RBFOX3: variants seen among roughly 807,000 people sequenced by gnomAD.
RBFOX3 encodes the protein RNA binding fox-1 homolog 3.
A neutral mutation model predicts 48.7 loss-of-function variants in RBFOX3; 17 were observed. The ratio of observed to expected loss-of-function variants is 0.35; its 90% confidence interval spans 0.24 to 0.52. The LOEUF is 0.52. Among genes scored for constraint, RBFOX3 ranks in the 20% least tolerant of loss-of-function variants. RBFOX3 has a pLI of 0.94. For synonymous variants in RBFOX3, 212 were observed against 209.5 expected (o/e 1.01, Z -0.10); for missense variants, 382 against 497.5 (o/e 0.77, Z 2.21).
At chr17:79,439,799 C>T (rs1555733651) in intron 2 of RBFOX3, among the ~76,000 whole-genome samples, 2 of 152,270 alleles carry the variant, frequency 1.3e-5, no homozygotes, top group African/African-American at 2.4e-5. Flanking sequence ...TGCACACACA[C>T]ACATACCAGA....
chr17:79,109,170 G>A (rs2078019168), intron 5 of RBFOX3, among the ~76,000 whole-genome samples: 1 of 152,334 alleles, frequency 6.6e-6, no homozygotes, highest in African/African-American at 2.4e-5. Flanking sequence ...GGTGGAAAAT[G>A]GTCATGGCTC....
At chr17:79,091,884 G>C (rs12948902) in intron 14 of RBFOX3, 6 of 837,220 alleles carry the variant, frequency 7.2e-6, no homozygotes, top group Non-Finnish European at 8.6e-6. Context: ...GAGTCGCAGA[G>C]ACTGGCGTGA....
At chr17:79,259,878 T>A (rs549525086) in intron 3 of RBFOX3, among the ~76,000 whole-genome samples, 30 of 152,246 alleles carry the variant, frequency 2.0e-4, no homozygotes, top group African/African-American at 6.7e-4. Context: ...GTCTGAGCAT[T>A]ATCCCTCTTT....
intron 2 of RBFOX3, among the ~76,000 whole-genome samples, chr17:79,350,851 G>A (rs188619537): frequency 1.3e-5 from 2 of 152,286 alleles, no homozygotes; most frequent in East Asian, 3.9e-4. Flanking sequence ...CCCCCATGGC[G>A]ACTCTCCCAC....
intron 2 of RBFOX3, among the ~76,000 whole-genome samples, chr17:79,458,027 G>C (rs884025): frequency 6.6e-6 from 1 of 152,114 alleles, no homozygotes. Context: ...CCTTGACCTC[G>C]CAATCATGCA....
At chr17:79,129,612 C>A (rs993944765) in intron 4 of RBFOX3, among the ~76,000 whole-genome samples, 1 of 152,234 alleles carries the variant, frequency 6.6e-6, no homozygotes, top group East Asian at 1.9e-4. Context: ...CTTCAAGGTG[C>A]AGAGGACACC....
the RBFOX3 span, among the ~76,000 whole-genome samples, chr17:79,652,778 G>A: frequency 5.3e-5 from 8 of 151,570 alleles, no homozygotes; most frequent in African/African-American, 1.9e-4. Flanking sequence ...AGAGAACAGA[G>A]AAAATTAAGG....
chr17:79,512,690 G>A lies in RBFOX3; in HGVS notation c.-319-30092C>T, dbSNP rs1319814051. 1.5e-4 allele frequency among the ~76,000 whole-genome samples: 20 copies of A among 131,992 alleles called. 1 individual carries two copies. Among genetic ancestry groups the A allele is most frequent in the Non-Finnish European group, 2.6e-4 (16 of 61,284 alleles). 86.6% of individuals were successfully genotyped at this position (131,992 alleles called of 152,430 possible). A position where few individuals can be genotyped will look rare whatever the true frequency, so the allele number is the denominator to read the frequency against. On this transcript the variant is annotated intron_variant, in intron 1 of 14. Coordinates refer to ENST00000693108, the MANE Select transcript of RBFOX3 (RefSeq NM_001350451.2). ...ACCCACCCGGATACGTGTTACCATC[G>A]GGTACAGCCCCATGGCCAAGGGACA...
At chr17:79,633,893 C>G in the RBFOX3 span, among the ~76,000 whole-genome samples, 3 of 152,152 alleles carry the variant, frequency 2.0e-5, no homozygotes, top group South Asian at 6.2e-4. Flanking sequence ...TTTTAATTGT[C>G]TCTCCCACTT....
chr17:79,213,313 G>A (rs2058615779), intron 4 of RBFOX3, among the ~76,000 whole-genome samples: 1 of 152,200 alleles, frequency 6.6e-6, no homozygotes, highest in South Asian at 2.1e-4. Context: ...GAAGGGGAAG[G>A]ACGCGGCGGG....
At chr17:79,493,998 C>T (rs945410771) in intron 1 of RBFOX3, among the ~76,000 whole-genome samples, 6 of 152,086 alleles carry the variant, frequency 3.9e-5, no homozygotes, top group African/African-American at 1.2e-4. Flanking sequence ...AAGCTGGATA[C>T]GGTGGTGCAT....
rs968638485 is a variant in RBFOX3, at chr17:79,214,250, C to A, written c.-34+21516G>T. ...ACGCACGGAGCTATCTCACTTACAACGTGAAAGTGGCTGTGTGTTGGTTGC... is the reference window on the plus strand; with the variant it reads ...ACGCACGGAGCTATCTCACTTACAAAGTGAAAGTGGCTGTGTGTTGGTTGC... On this transcript the variant is annotated intron_variant, in intron 4 of 14. Transcript: ENST00000693108. This position sits in a 1 kb window ranked among gnomAD's most constrained non-coding sequence, Gnocchi z 4.7. Among the ~76,000 whole-genome samples, 1 of 152,136 alleles carries A rather than the reference C, an allele frequency of 6.6e-6. No individual in the cohort carries two copies. Among genetic ancestry groups the A allele is most frequent in the East Asian group, 1.9e-4 (1 of 5,188 alleles).
At chr17:79,328,743 T>A (rs1224406755) in intron 2 of RBFOX3, among the ~76,000 whole-genome samples, 1 of 152,162 alleles carries the variant, frequency 6.6e-6, no homozygotes, top group African/African-American at 2.4e-5. Flanking sequence ...CCCGGAGACA[T>A]TTGGCTTCAC....
chr17:79,279,187 G>A (rs528893177), intron 3 of RBFOX3, among the ~76,000 whole-genome samples: 6 of 152,238 alleles, frequency 3.9e-5, no homozygotes, highest in South Asian at 4.2e-4. Flanking sequence ...AGGTGTTCAC[G>A]GGGTCTTAAG....
At chr17:79,169,298 C>T (rs2048656541) in intron 4 of RBFOX3, among the ~76,000 whole-genome samples, 1 of 152,190 alleles carries the variant, frequency 6.6e-6, no homozygotes, top group South Asian at 2.1e-4. Flanking sequence ...CTTAGGCATC[C>T]TGAACTCAGA....
chr17:79,230,686 AG>A (rs1178420323), intron 4 of RBFOX3, among the ~76,000 whole-genome samples: 43 of 152,234 alleles, frequency 2.8e-4, no homozygotes, highest in Middle Eastern at 3.4e-3. Flanking sequence ...GCTGTTCTCA[AG>A]GCATGGGAAG....
intron 2 of RBFOX3, among the ~76,000 whole-genome samples, chr17:79,466,126 G>C (rs1453745078): frequency 1.3e-5 from 2 of 152,196 alleles, no homozygotes; most frequent in African/African-American, 4.8e-5. Flanking sequence ...GCCTCTGCTG[G>C]GCTGTGTTTT....
At chr17:79,428,600 C>A (rs977813369) in intron 2 of RBFOX3, among the ~76,000 whole-genome samples, 1 of 152,220 alleles carries the variant, frequency 6.6e-6, no homozygotes, top group African/African-American at 2.4e-5. Context: ...CCACAAAAAG[C>A]CTCCGACAGC....
In RBFOX3 at chr17:79,363,120, A is replaced by G. The variant is rs1379188304; in HGVS notation, c.-174-55296T>C. On this transcript the variant is annotated intron_variant, in intron 2 of 14. Coordinates refer to ENST00000693108, the MANE Select transcript of RBFOX3 (RefSeq NM_001350451.2). The surrounding 1 kb of genome is among the most constrained non-coding windows in gnomAD (Gnocchi z 4.7). The stretch of plus-strand genomic sequence containing the variant: ...GGCCATAGTGAGCCGCAGGGGAGGC[A>G]CGTGGCTCCTGCAGGGGAGATGGAG... Among the ~76,000 whole-genome samples the G allele has an allele frequency of 1.3e-5, 2 of 152,182 alleles. No homozygotes were observed. The highest frequency in any genetic ancestry group is 2.9e-5 in the Non-Finnish European group (2 of 68,028).
Sources: gnomAD v4.1 joint callset for allele counts (sites outside exome capture counted in the v4.1 genomes callset) on GRCh38, gnomAD v4.1.1 for gene constraint, Gnocchi (gnomAD v3.1) non-coding constraint, MANE v1.5 for transcripts, NCBI Gene and HGNC (gene_info 2026-07-23, HGNC 2026-07-21) for gene names.